Variants in HDAC4 observed in about 807,000 individuals in gnomAD.
HDAC4 encodes histone deacetylase 4.
Under a neutral mutation model 135.1 loss-of-function variants are expected in HDAC4, and 16 were observed. That is an observed-to-expected ratio of 0.12 (90% CI 0.08 to 0.18). The LOEUF (loss-of-function observed/expected upper bound fraction) is 0.18. HDAC4 is among the 10% of genes least tolerant of loss of function. HDAC4 has a pLI of 1.00. For synonymous variants in HDAC4, 685 were observed against 653.4 expected (o/e 1.05, Z -0.74); for missense variants, 1,143 against 1,511.8 (o/e 0.76, Z 4.05).
intron 5 of HDAC4, among the ~76,000 whole-genome samples, chr2:239,172,348 A>C (rs1350460934): frequency 6.6e-6 from 1 of 151,040 alleles, no homozygotes; most frequent in Non-Finnish European, 1.5e-5. Context: ...AAGGCAAGAC[A>C]AGTGCATTAG....
intron 24 of HDAC4, among the ~76,000 whole-genome samples, chr2:239,061,702 T>C (rs776974794): frequency 2.0e-5 from 3 of 152,120 alleles, no homozygotes; most frequent in Non-Finnish European, 4.4e-5. Flanking sequence ...ACACACTTGG[T>C]TTTCGTTACT....
At chr2:239,203,359 TA>T (rs1298181410) in intron 3 of HDAC4, among the ~76,000 whole-genome samples, 1 of 152,230 alleles carries the variant, frequency 6.6e-6, no homozygotes, top group Non-Finnish European at 1.5e-5. Context: ...GAGTCAAGGA[TA>T]AAAATACGTT....
At chr2:239,210,675 A>G (rs1363774468) in intron 3 of HDAC4, among the ~76,000 whole-genome samples, 2 of 152,198 alleles carry the variant, frequency 1.3e-5, no homozygotes, top group African/African-American at 2.4e-5. Flanking sequence ...CCTTTATATT[A>G]TCATAATAAA....
At chr2:239,230,368 C>CAAAAAAAAAAAAA (rs56105562) in intron 3 of HDAC4, among the ~76,000 whole-genome samples, 11 of 79,392 alleles carry the variant, frequency 1.4e-4, no homozygotes, top group African/African-American at 3.6e-4. Context: ...AGCAAGCAAG[C>CAAAAAAAAAAAAA]AAAAAAAAAA....
At chr2:239,228,213 C>G (rs940148269) in intron 3 of HDAC4, among the ~76,000 whole-genome samples, 1 of 152,170 alleles carries the variant, frequency 6.6e-6, no homozygotes, top group African/African-American at 2.4e-5. Flanking sequence ...GGCCCAGGAC[C>G]AAGCAGCCCC....
intron 4 of HDAC4, among the ~76,000 whole-genome samples, chr2:239,184,069 T>TAAAAAA (rs58952360): frequency 1.1e-4 from 8 of 71,400 alleles, no homozygotes; most frequent in African/African-American, 4.9e-4. Flanking sequence ...CTTGCTAGTG[T>TAAAAAA]AAAAAAAAAA....
chr2:239,377,994 A>G (rs1357987672), intron 1 of HDAC4, among the ~76,000 whole-genome samples: 2 of 152,146 alleles, frequency 1.3e-5, no homozygotes, highest in Non-Finnish European at 2.9e-5. Flanking sequence ...TGGTTTTCAA[A>G]AAGAATTATG....
chr2:239,073,966 G>GGGGGGCCGCAGGACTGA (rs1323692067), intron 22 of HDAC4, among the ~76,000 whole-genome samples: 9 of 151,170 alleles, frequency 6.0e-5, no homozygotes, highest in East Asian at 2.0e-4. Flanking sequence ...GCAGGACTGA[G>GGGGGGCCGCAGGACTGA]GGGGGCCGCA....
At chr2:239,070,015 C>T (rs980316179) in intron 22 of HDAC4, among the ~76,000 whole-genome samples, 2 of 137,820 alleles carry the variant, frequency 1.5e-5, no homozygotes, top group Admixed American at 7.3e-5. Context: ...CTGTCCTGGT[C>T]CTCCCTGCCC....
chr2:239,078,470 T>A (rs1403251650), intron 22 of HDAC4, among the ~76,000 whole-genome samples: 1 of 152,112 alleles, frequency 6.6e-6, no homozygotes, highest in African/African-American at 2.4e-5. Context: ...TTCTTCCCCA[T>A]CATCGGATGC....
intron 7 of HDAC4, among the ~76,000 whole-genome samples, chr2:239,147,240 C>A (rs1261478022): frequency 6.6e-6 from 1 of 152,218 alleles, no homozygotes; most frequent in East Asian, 1.9e-4. Flanking sequence ...CAGAAGGCAG[C>A]CGGGGGAGCC....
intron 3 of HDAC4, among the ~76,000 whole-genome samples, chr2:239,194,578 GC>G (rs1237531729): frequency 6.6e-6 from 1 of 152,220 alleles, no homozygotes; most frequent in Admixed American, 6.5e-5. Flanking sequence ...CAGCCAGCGA[GC>G]AGCCTGGCCC....
intron 2 of HDAC4, among the ~76,000 whole-genome samples, chr2:239,261,917 C>CT (rs1464406787): frequency 6.6e-6 from 1 of 152,232 alleles, no homozygotes; most frequent in East Asian, 1.9e-4. Flanking sequence ...CTCGAAAAGC[C>CT]TATGTCGGAG....
chr2:239,366,224 G>T (rs955940352), intron 1 of HDAC4, among the ~76,000 whole-genome samples: 1 of 151,262 alleles, frequency 6.6e-6, no homozygotes, highest in Non-Finnish European at 1.5e-5. Flanking sequence ...GGGTTGTCAG[G>T]GTCACGCGTG....
chr2:239,270,329 C>T (rs947989620), intron 2 of HDAC4, among the ~76,000 whole-genome samples: 23 of 152,156 alleles, frequency 1.5e-4, no homozygotes, highest in African/African-American at 5.6e-4. Context: ...TCGCTGTGGC[C>T]TCAATGGGAT....
chr2:239,090,419 G>T lies in HDAC4; in HGVS notation c.2281-303C>A, dbSNP rs999987516. On this transcript the variant is annotated intron_variant, in intron 17 of 26. Transcript: ENST00000543185. ...TCCATCTAAAAGTAATGATGTCAAG[G>T]TGATCTATTTCCTTTTTTTTTTTTT... Among the ~76,000 whole-genome samples the T allele has an allele frequency of 2.0e-5, 3 of 148,434 alleles. No homozygotes were observed. In the Admixed American group the frequency reaches 2.1e-4, roughly 10 times the overall value.
At chr2:239,266,141 C>T (rs1390034980) in intron 2 of HDAC4, among the ~76,000 whole-genome samples, 1 of 152,202 alleles carries the variant, frequency 6.6e-6, no homozygotes. Context: ...GGCCAAGGGG[C>T]CAGGCCAGCC....
intron 3 of HDAC4, among the ~76,000 whole-genome samples, chr2:239,223,409 G>A (rs1337538177): frequency 9.2e-5 from 14 of 152,336 alleles, no homozygotes; most frequent in African/African-American, 2.2e-4. Context: ...TTTCAAGGGC[G>A]CTGCGGGTCA....
intron 2 of HDAC4, among the ~76,000 whole-genome samples, chr2:239,288,130 A>G (rs2051241382): frequency 6.6e-6 from 1 of 152,186 alleles, no homozygotes; most frequent in African/African-American, 2.4e-5. Context: ...ACAGAGATGA[A>G]GAATCCTGAA....
Sources: gnomAD v4.1 joint callset for allele counts (sites outside exome capture counted in the v4.1 genomes callset) on GRCh38, gnomAD v4.1.1 for gene constraint, MANE v1.5 for transcripts, NCBI Gene and HGNC (gene_info 2026-07-23, HGNC 2026-07-21) for gene names.